TRPM3: variants seen among roughly 807,000 people sequenced by gnomAD.
TRPM3 encodes transient receptor potential cation channel subfamily M member 3, also known as long transient receptor potential channel 3.
TRPM3 carries 77 observed loss-of-function variants against 181.2 expected under a neutral mutation model. The observed-to-expected ratio is 0.42, with a 90% CI of 0.35 to 0.51. The LOEUF is 0.51. Among genes scored for constraint, TRPM3 ranks in the 20% least tolerant of loss-of-function variants. The probability of loss-of-function intolerance (pLI) is 0.01; values close to 1 mark genes in which losing one functional copy is unlikely to be tolerated. For missense variants in TRPM3, 1,759 were observed against 2,196.7 expected, an observed-to-expected ratio of 0.80 and a Z score of 3.98; for synonymous variants, 745 against 796.4, an observed-to-expected ratio of 0.94 and a Z score of 1.09.
chr9:70,886,885 G>A (rs1380097622), intron 1 of TRPM3, among the ~76,000 whole-genome samples: 9 of 151,944 alleles, frequency 5.9e-5, no homozygotes, highest in East Asian at 1.9e-4. Context: ...AGCCAGTTTC[G>A]AACTCCTGAC....
chr9:70,893,353 A>T (rs1293666021), intron 1 of TRPM3, among the ~76,000 whole-genome samples: 1 of 152,174 alleles, frequency 6.6e-6, no homozygotes, highest in African/African-American at 2.4e-5. Context: ...GTGCATAGAA[A>T]GGAAGCCCTA....
chr9:71,239,052 A>G (rs1199921885), intron 1 of TRPM3, among the ~76,000 whole-genome samples: 1 of 151,812 alleles, frequency 6.6e-6, no homozygotes, highest in Admixed American at 6.6e-5. Context: ...CACCTTCCCT[A>G]CCTCCTTCCC....
chr9:70,864,537 A>AAAAG (rs1554753000), intron 1 of TRPM3, 26 bp from the exon 2 acceptor site: 13 of 1,457,880 alleles, frequency 8.9e-6, no homozygotes, highest in East Asian at 4.8e-5. Context: ...AAAAAAAAAA[A>AAAAG]AAAAGAAAAA....
At chr9:70,670,367 G>T (rs2062682383) in intron 9 of TRPM3, among the ~76,000 whole-genome samples, 1 of 152,134 alleles carries the variant, frequency 6.6e-6, no homozygotes, top group Admixed American at 6.6e-5. Flanking sequence ...CAAATAAAAG[G>T]AATTAAGGGA....
intron 1 of TRPM3, among the ~76,000 whole-genome samples, chr9:71,278,693 C>T (rs190681584): frequency 6.7e-6 from 1 of 149,878 alleles, no homozygotes; most frequent in Non-Finnish European, 1.5e-5. Context: ...GTTTGATGGA[C>T]AGAAACAGTA....
At chr9:70,787,735 C>G (rs1371142464) in intron 6 of TRPM3, among the ~76,000 whole-genome samples, 2 of 72,546 alleles carry the variant, frequency 2.8e-5, no homozygotes, top group Admixed American at 1.3e-4. Flanking sequence ...AAAAATGTTT[C>G]TATGCAATTT....
intron 1 of TRPM3, among the ~76,000 whole-genome samples, chr9:71,299,441 T>A (rs1178249724): frequency 7.0e-6 from 1 of 143,372 alleles, no homozygotes; most frequent in Non-Finnish European, 1.5e-5. Flanking sequence ...GAATTGAAAC[T>A]GAGAAAGGAA....
At chr9:71,411,558 C>A (rs2093550472) in intron 1 of TRPM3, among the ~76,000 whole-genome samples, 1 of 152,108 alleles carries the variant, frequency 6.6e-6, no homozygotes, top group African/African-American at 2.4e-5. Context: ...TGTGAAGGAC[C>A]TCTTCAAGGA....
intron 22 of TRPM3, among the ~76,000 whole-genome samples, chr9:70,578,320 G>T (rs73649177): frequency 0.038 from 4,936 of 129,270 alleles, 245 homozygotes; most frequent in East Asian, 0.11. Flanking sequence ...AAAAAAAAAA[G>T]ACTGGTGTCT....
In TRPM3 at chr9:70,995,265, C is replaced by T. The variant is rs551464709; in HGVS notation, c.177+125913G>A. The stretch of plus-strand genomic sequence containing the variant: ...CTAATTAACTCTCTTTGAACTTCCT[C>T]ATCAGGGTCTCCTAAAGAGCTTTAT... On this transcript the variant is annotated intron_variant, in intron 1 of 25. Coordinates refer to ENST00000677713, the MANE Select transcript of TRPM3 (RefSeq NM_001366145.2). Among the ~76,000 whole-genome samples the T allele has an allele frequency of 4.8e-4, 73 of 152,312 alleles. 1 individual carries two copies. The highest frequency in any genetic ancestry group is 1.3e-3 in the African/African-American group (56 of 41,566).
chr9:70,605,482 A>G (rs561186232), intron 19 of TRPM3, among the ~76,000 whole-genome samples: 8 of 149,896 alleles, frequency 5.3e-5, no homozygotes, highest in South Asian at 2.1e-4. Context: ...ATTTCAACCT[A>G]TGCCTAAGTT....
At chr9:71,411,878 T>C (rs1588908182) in intron 1 of TRPM3, among the ~76,000 whole-genome samples, 1 of 152,312 alleles carries the variant, frequency 6.6e-6, no homozygotes, top group East Asian at 1.9e-4. Context: ...CAAAACAGCA[T>C]GGTACTGGTA....
At chr9:71,391,911 A>G (rs1184788927) in intron 1 of TRPM3, among the ~76,000 whole-genome samples, 2 of 152,114 alleles carry the variant, frequency 1.3e-5, no homozygotes, top group African/African-American at 4.8e-5. Flanking sequence ...AAGGCAATAC[A>G]TAATTTATAA....
chr9:70,924,137 C>A (rs2096694872), intron 1 of TRPM3, among the ~76,000 whole-genome samples: 1 of 151,970 alleles, frequency 6.6e-6, no homozygotes, highest in Admixed American at 6.6e-5. Flanking sequence ...AATGGTGCTG[C>A]TGACATTTGG....
At chr9:71,007,083 G>A (rs1334686899) in intron 1 of TRPM3, among the ~76,000 whole-genome samples, 1 of 87,230 alleles carries the variant, frequency 1.1e-5, no homozygotes. Context: ...AAAAGACTAA[G>A]TCAGGAACAG....
chr9:70,898,119 GTTT>G (rs780424002), intron 1 of TRPM3, among the ~76,000 whole-genome samples: 13 of 142,218 alleles, frequency 9.1e-5, no homozygotes, highest in African/African-American at 3.1e-4. Flanking sequence ...ACAATAAATT[GTTT>G]TTTTTTTTTG....
At chr9:71,115,819 G>A (rs567627845) in intron 1 of TRPM3, among the ~76,000 whole-genome samples, 7 of 152,234 alleles carry the variant, frequency 4.6e-5, no homozygotes, top group Admixed American at 2.0e-4. Flanking sequence ...GAGACAGGAG[G>A]GTTTCTTGTT....
intron 22 of TRPM3, among the ~76,000 whole-genome samples, chr9:70,587,904 C>A (rs1462528136): frequency 6.6e-6 from 1 of 152,152 alleles, no homozygotes. Context: ...CGAATTAAAT[C>A]AAGGTGGTAG....
intron 8 of TRPM3, among the ~76,000 whole-genome samples, chr9:70,748,841 TG>T (rs1407906002): frequency 5.3e-5 from 8 of 152,160 alleles, no homozygotes; most frequent in African/African-American, 1.9e-4. Context: ...CAATGGTCCC[TG>T]GAGACTTCTT....
Sources: allele counts gnomAD v4.1 joint callset (sites outside exome capture counted in the v4.1 genomes callset), GRCh38; gene constraint gnomAD v4.1.1; transcripts MANE v1.5; gene names NCBI Gene and HGNC (gene_info 2026-07-23, HGNC 2026-07-21).